The following ZEB1 variants were observed in gnomAD, a reference collection of about 807,000 sequenced individuals.
ZEB1 encodes the protein zinc finger E-box-binding homeobox 1.
In ZEB1, 21 loss-of-function variants were observed where a neutral mutation model predicts 84.9. That is an observed-to-expected ratio of 0.25 (90% CI 0.18 to 0.36). The LOEUF is 0.36. ZEB1 is among the 10% of genes least tolerant of loss of function. ZEB1 has a pLI of 1.00. For missense variants in ZEB1, 1,104 were observed against 1,330.2 expected, an observed-to-expected ratio of 0.83 and a Z score of 2.65; for synonymous variants, 420 against 471.1, an observed-to-expected ratio of 0.89 and a Z score of 1.41.
At chr10:31,336,428 A>T (rs1204419835) in intron 1 of ZEB1, among the ~76,000 whole-genome samples, 3 of 152,146 alleles carry the variant, frequency 2.0e-5, no homozygotes, top group Non-Finnish European at 2.9e-5. Context: ...AGGTAAGGTA[A>T]AGGTATAGGT....
chr10:31,345,543 C>T (rs1225676512), intron 1 of ZEB1, among the ~76,000 whole-genome samples: 1 of 152,044 alleles, frequency 6.6e-6, no homozygotes, highest in Non-Finnish European at 1.5e-5. Context: ...AAAGACAAAA[C>T]CAAATCAACT....
chr10:31,526,984 A>G lies in ZEB1; in HGVS notation c.3098A>G (p.Glu1033Gly). 6.2e-7 allele frequency: 1 copy of G among 1,612,370 alleles called. No homozygotes were observed. Among genetic ancestry groups the G allele is most frequent in the Non-Finnish European group, 8.5e-7 (1 of 1,179,100 alleles). The change falls in exon 9 of 9, where the codon GAG becomes GGG. Residue 1033 changes from glutamate to glycine, a missense_variant. Transcript: ENST00000424869. ...GAGAGAGAGAGTTTGACAAGGGAAG[A>G]GGATGAAGACAGTGAAAAAGAGGAA... ...SDERESLTREEDEDSEKEEEE... is the reference protein window; with the variant it reads ...SDERESLTREGDEDSEKEEEE...
chr10:31,363,336 TCC>T (rs1416243969), intron 1 of ZEB1: 1 of 1,533,990 alleles, frequency 6.5e-7, no homozygotes, highest in East Asian at 2.4e-5. Context: ...AACTGGCGAC[TCC>T]ATGGCCCTTG....
At chr10:31,430,347 G>A (rs994920902) in intron 1 of ZEB1, among the ~76,000 whole-genome samples, 9 of 152,096 alleles carry the variant, frequency 5.9e-5, no homozygotes, top group Admixed American at 2.0e-4. Context: ...TGCTCATTCA[G>A]TCCTTAAAAA....
intron 2 of ZEB1, among the ~76,000 whole-genome samples, chr10:31,475,803 T>C (rs997790758): frequency 3.9e-5 from 6 of 151,912 alleles, no homozygotes; most frequent in African/African-American, 7.3e-5. Context: ...AACATGGCAA[T>C]GAAAGGATAA....
chr10:31,345,780 G>A (rs1161931771), intron 1 of ZEB1, among the ~76,000 whole-genome samples: 1 of 152,114 alleles, frequency 6.6e-6, no homozygotes, highest in Non-Finnish European at 1.5e-5. Flanking sequence ...AAAATGCTAG[G>A]AGAGAGCCTA....
At chr10:31,345,052 T>A (rs1438115510) in intron 1 of ZEB1, among the ~76,000 whole-genome samples, 1 of 152,192 alleles carries the variant, frequency 6.6e-6, no homozygotes, top group Non-Finnish European at 1.5e-5. Flanking sequence ...CTGGAAGTTT[T>A]CTACTGGAAG....
intron 1 of ZEB1, among the ~76,000 whole-genome samples, chr10:31,397,990 T>C (rs2051132562): frequency 1.3e-5 from 2 of 152,232 alleles, no homozygotes; most frequent in Non-Finnish European, 1.5e-5. Context: ...CTATACTGAA[T>C]ATTCAGCTAA....
chr10:31,364,074 A>T (rs1204086709), intron 1 of ZEB1, among the ~76,000 whole-genome samples: 3 of 152,146 alleles, frequency 2.0e-5, no homozygotes, highest in Non-Finnish European at 4.4e-5. Context: ...GCACAGACGA[A>T]ACTAAGGGTC....
At chr10:31,363,959 A>C (rs746176835) in intron 1 of ZEB1, 2 of 1,293,888 alleles carry the variant, frequency 1.5e-6, no homozygotes, top group Non-Finnish European at 2.0e-6. Context: ...CCAGCTGGGA[A>C]GGCCTCACGG....
intron 1 of ZEB1, among the ~76,000 whole-genome samples, chr10:31,421,141 G>T (rs1008097841): frequency 6.6e-6 from 1 of 152,098 alleles, no homozygotes; most frequent in Non-Finnish European, 1.5e-5. Flanking sequence ...TTTAGCTCCA[G>T]CCACTCCAGG....
intron 2 of ZEB1, among the ~76,000 whole-genome samples, chr10:31,465,249 A>C (rs1277539393): frequency 4.0e-5 from 6 of 151,708 alleles, no homozygotes; most frequent in African/African-American, 1.5e-4. Context: ...ATAGATATAC[A>C]ATATACAAGT....
At chr10:31,338,294 A>G (rs2038627521) in intron 1 of ZEB1, among the ~76,000 whole-genome samples, 1 of 152,164 alleles carries the variant, frequency 6.6e-6, no homozygotes, top group South Asian at 2.1e-4. Flanking sequence ...CACTATTCTC[A>G]ATATCGTTAA....
chr10:31,510,935 G>C, intron 5 of ZEB1, 60 bp downstream of exon 5: 1 of 1,472,408 alleles, frequency 6.8e-7, no homozygotes, highest in East Asian at 2.3e-5. Flanking sequence ...AGCCCTCAAT[G>C]GAAGGCAAGG....
intron 2 of ZEB1, among the ~76,000 whole-genome samples, chr10:31,477,849 T>TA (rs1284690493): frequency 6.6e-6 from 1 of 151,816 alleles, no homozygotes; most frequent in Admixed American, 6.6e-5. Context: ...CTCATCATAT[T>TA]AAAAAATTAA....
chr10:31,459,009 G>C lies in ZEB1; in HGVS notation c.59-2028G>C, dbSNP rs556033806. ...TTAACCTATCAAACATCATAGCTGA[G>C]CTTAGCCTGCCTTAAATATGCCTGC... On this transcript the variant is annotated intron_variant, in intron 1 of 8. Transcript: ENST00000424869. 2.0e-5 allele frequency among the ~76,000 whole-genome samples: 3 copies of C among 152,208 alleles called. No individual in the cohort carries two copies. The South Asian group carries it at 6.2e-4, about 32-fold the overall frequency.
chr10:31,428,247 A>G (rs2057241939), intron 1 of ZEB1, among the ~76,000 whole-genome samples: 1 of 152,054 alleles, frequency 6.6e-6, no homozygotes, highest in African/African-American at 2.4e-5. Flanking sequence ...TGTCCCAGAG[A>G]TTCTGGTACA....
chr10:31,327,099 CTTTTT>C lies in ZEB1; in HGVS notation c.58+7825_58+7829del, dbSNP rs71527629. 8.8e-3 allele frequency among the ~76,000 whole-genome samples: 745 copies of C among 84,966 alleles called. 2 individuals are homozygous for C. Among genetic ancestry groups the C allele is most frequent in the African/African-American group, 0.035 (682 of 19,474 alleles). The allele number at this position is 84,966 out of a possible 152,430, so 55.7% of individuals were successfully genotyped here. ...ATTTACTTTCTTTTTCTTTTCTTTTCTTTTTTTTTTTTTTTTTTTTTTGAGACAGT... is the reference window on the plus strand; with the variant it reads ...ATTTACTTTCTTTTTCTTTTCTTTTCTTTTTTTTTTTTTTTTTGAGACAGT... On this transcript the variant is annotated intron_variant, in intron 1 of 8. Transcript: ENST00000424869.
chr10:31,337,003 G>A (rs1459712362), intron 1 of ZEB1, among the ~76,000 whole-genome samples: 2 of 152,114 alleles, frequency 1.3e-5, no homozygotes, highest in Non-Finnish European at 2.9e-5. Context: ...ACCAGGTAAT[G>A]TATGTAGTTG....
Sources: gnomAD v4.1 joint callset for allele counts (sites outside exome capture counted in the v4.1 genomes callset) on GRCh38, gnomAD v4.1.1 for gene constraint, MANE v1.5 for transcripts, NCBI Gene and HGNC (gene_info 2026-07-23, HGNC 2026-07-21) for gene names.